RAD51B: variants seen among roughly 807,000 people sequenced by gnomAD.
RAD51B encodes the protein DNA repair protein RAD51 homolog 2.
A neutral mutation model predicts 42.2 loss-of-function variants in RAD51B; 38 were observed. That is an observed-to-expected ratio of 0.90 (90% CI 0.70 to 1.18). RAD51B has a LOEUF of 1.18. Among genes scored for constraint, RAD51B ranks in the 50% most tolerant of loss-of-function variants. RAD51B has a pLI of 0.00. For missense variants in RAD51B, 373 were observed against 400.7 expected, an observed-to-expected ratio of 0.93 and a Z score of 0.59; for synonymous variants, 154 against 145.2, an observed-to-expected ratio of 1.06 and a Z score of -0.43.
At chr14:68,147,133 C>A (rs1439680308) in intron 7 of RAD51B, among the ~76,000 whole-genome samples, 1 of 152,090 alleles carries the variant, frequency 6.6e-6, no homozygotes, top group African/African-American at 2.4e-5. Flanking sequence ...GATTCCTGGC[C>A]TTTGAGGGGA....
chr14:67,894,564 C>G (rs371847391), intron 7 of RAD51B, among the ~76,000 whole-genome samples: 3 of 152,162 alleles, frequency 2.0e-5, no homozygotes, highest in Admixed American at 1.3e-4. Context: ...GCAAATCGCT[C>G]TCTGTGATAT....
intron 9 of RAD51B, among the ~76,000 whole-genome samples, chr14:68,464,656 C>T (rs2085929485): frequency 6.6e-6 from 1 of 152,228 alleles, no homozygotes; most frequent in African/African-American, 2.4e-5. Flanking sequence ...TAGCACCCAG[C>T]TCAACTTATC....
chr14:68,464,663 T>G (rs11626015), intron 9 of RAD51B, among the ~76,000 whole-genome samples: 12,786 of 152,256 alleles, frequency 0.084, 1,181 homozygotes, highest in African/African-American at 0.23. Context: ...CAGCTCAACT[T>G]ATCTTCACTT....
At chr14:68,469,056 A>G (rs752521140) in intron 10 of RAD51B, 2 of 494,782 alleles carry the variant, frequency 4.0e-6, no homozygotes, top group African/African-American at 1.9e-5. Flanking sequence ...GGATCTGCAC[A>G]GAAGTGCTCA....
chr14:68,435,293 C>T (rs956421075), intron 9 of RAD51B, among the ~76,000 whole-genome samples: 2 of 152,126 alleles, frequency 1.3e-5, no homozygotes, highest in Non-Finnish European at 2.9e-5. Context: ...GTTTTCTGGT[C>T]CTATGTTAAT....
intron 9 of RAD51B, among the ~76,000 whole-genome samples, chr14:68,462,302 C>A (rs1402763853): frequency 6.6e-6 from 1 of 152,186 alleles, no homozygotes; most frequent in Non-Finnish European, 1.5e-5. Context: ...TATTGTCTGT[C>A]TTCTGCCACC....
At chr14:68,578,073 G>GCC in intron 10 of RAD51B, among the ~76,000 whole-genome samples, 1 of 152,236 alleles carries the variant, frequency 6.6e-6, no homozygotes, top group Admixed American at 6.5e-5. Flanking sequence ...GCAACACTAT[G>GCC]TGGCAATGGC....
At chr14:67,937,951 GAGA>G (rs934638787) in intron 7 of RAD51B, among the ~76,000 whole-genome samples, 19 of 151,944 alleles carry the variant, frequency 1.3e-4, no homozygotes, top group Admixed American at 2.0e-4. Context: ...ATGGCCTTCT[GAGA>G]AAGGTGTCTA....
intron 7 of RAD51B, among the ~76,000 whole-genome samples, chr14:67,977,903 T>C (rs1224036126): frequency 6.6e-6 from 1 of 152,228 alleles, no homozygotes; most frequent in East Asian, 1.9e-4. Context: ...TGATAAGATA[T>C]CATTGTATTT....
chr14:68,229,990 G>A (rs1236853949), intron 7 of RAD51B, among the ~76,000 whole-genome samples: 2 of 152,180 alleles, frequency 1.3e-5, no homozygotes, highest in Admixed American at 6.5e-5. Context: ...CTAGGTTGAA[G>A]CAACTCATAT....
chr14:68,499,493 G>A (rs1391250561), intron 10 of RAD51B, among the ~76,000 whole-genome samples: 1 of 152,184 alleles, frequency 6.6e-6, no homozygotes, highest in Non-Finnish European at 1.5e-5. Flanking sequence ...TGCAGGGTTA[G>A]TGGATGCAGT....
rs1555350976 is a variant in RAD51B, at chr14:68,072,053, T to TTATATATATTTATATAAATATATAAA, written c.756+184858_756+184883dup. 7.9e-4 allele frequency among the ~76,000 whole-genome samples: 89 copies of TTATATATATTTATATAAATATATAAA among 112,328 alleles called. 2 individuals carry two copies. The highest frequency in any genetic ancestry group is 1.4e-3 in the Non-Finnish European group (81 of 59,390). 73.7% of individuals were successfully genotyped at this position (112,328 alleles called of 152,430 possible). A position where few individuals can be genotyped will look rare whatever the true frequency, so the allele number is the denominator to read the frequency against. ...TTCTAGATTTTATATATATATATAATTATATATATTTATATAAATATATAA... is the reference window on the plus strand; with the variant it reads ...TTCTAGATTTTATATATATATATAATTATATATATTTATATAAATATATAAATATATATATTTATATAAATATATAA... On this transcript the variant is annotated intron_variant, in intron 7 of 10. Coordinates refer to ENST00000471583, the MANE Select transcript of RAD51B (RefSeq NM_133510.4).
chr14:68,147,187 A>T (rs2078269166), intron 7 of RAD51B, among the ~76,000 whole-genome samples: 1 of 152,238 alleles, frequency 6.6e-6, no homozygotes, highest in Non-Finnish European at 1.5e-5. Context: ...ACTGAGATCT[A>T]TAAACCTACG....
chr14:68,584,227 C>T (rs1359551100), intron 10 of RAD51B, among the ~76,000 whole-genome samples: 1 of 152,122 alleles, frequency 6.6e-6, no homozygotes, highest in African/African-American at 2.4e-5. Context: ...CTTGGCTGGC[C>T]TCCTTGGCAG....
At chr14:68,456,964 G>A (rs1041973166) in intron 9 of RAD51B, among the ~76,000 whole-genome samples, 1 of 124,186 alleles carries the variant, frequency 8.1e-6, no homozygotes, top group South Asian at 2.6e-4. Context: ...CCAGGCTGGA[G>A]TGCAGTAGCA....
chr14:68,290,796 T>A (rs569265883), intron 7 of RAD51B, among the ~76,000 whole-genome samples: 230 of 149,490 alleles, frequency 1.5e-3, no homozygotes, highest in African/African-American at 5.3e-3. Context: ...ATTTATTTAT[T>A]TTTATTTATT....
intron 8 of RAD51B, among the ~76,000 whole-genome samples, chr14:68,411,060 G>C (rs2084406116): frequency 6.6e-6 from 1 of 152,162 alleles, no homozygotes; most frequent in Non-Finnish European, 1.5e-5. Flanking sequence ...ATTAAACTAA[G>C]ACTATTTCAT....
intron 7 of RAD51B, among the ~76,000 whole-genome samples, chr14:68,079,164 A>G (rs2076877623): frequency 6.6e-6 from 1 of 152,220 alleles, no homozygotes; most frequent in Admixed American, 6.5e-5. Flanking sequence ...TTCCAAAATA[A>G]TCATTCTCTT....
At chr14:67,887,320 T>G (rs2043091558) in intron 7 of RAD51B, 116 bp downstream of exon 7, 1 of 900,954 alleles carries the variant, frequency 1.1e-6, no homozygotes, top group East Asian at 2.7e-5. Context: ...AACAGATGAC[T>G]TTTTAAAGGT....
Sources: gnomAD v4.1 joint callset for allele counts (sites outside exome capture counted in the v4.1 genomes callset) on GRCh38, gnomAD v4.1.1 for gene constraint, MANE v1.5 for transcripts, NCBI Gene and HGNC (gene_info 2026-07-23, HGNC 2026-07-21) for gene names.